The following AFM variants were observed in gnomAD, a reference collection of about 807,000 sequenced individuals.
AFM encodes the protein alpha-Alb.
Under a neutral mutation model 68.7 loss-of-function variants are expected in AFM, and 82 were observed. The observed-to-expected ratio is 1.19, with a 90% CI of 1.00 to 1.43. AFM has a LOEUF of 1.43. AFM is among the 40% of genes most tolerant of loss of function. AFM has a pLI of 0.00. For synonymous variants in AFM, 250 were observed against 234.2 expected, an observed-to-expected ratio of 1.07 and a Z score of -0.61; for missense variants, 772 against 701.8, an observed-to-expected ratio of 1.10 and a Z score of -1.13.
At chr4:73,497,994 G>C (rs1721304721) in intron 10 of AFM, among the ~76,000 whole-genome samples, 1 of 152,166 alleles carries the variant, frequency 6.6e-6, no homozygotes, top group Non-Finnish European at 1.5e-5. Flanking sequence ...TTTGGTTTCT[G>C]TTTGACATTG....
rs771104844 is a variant in AFM, at chr4:73,503,095, G to A, written c.*25G>A. ...AAGCCAGCTGCTGGAGATATGTAAAGAAAAAAGCACCAAAGGTAATACCCT... is the reference window on the plus strand; with the variant it reads ...AAGCCAGCTGCTGGAGATATGTAAAAAAAAAAGCACCAAAGGTAATACCCT... On this transcript the variant is annotated 3_prime_UTR_variant, in exon 14 of 15. Coordinates refer to ENST00000226355, the MANE Select transcript of AFM (RefSeq NM_001133.2). 6.2e-7 allele frequency: 1 copy of A among 1,611,750 alleles called. No homozygotes were observed. The highest frequency in any genetic ancestry group is 8.5e-7 in the Non-Finnish European group (1 of 1,178,286).
intron 8 of AFM, among the ~76,000 whole-genome samples, chr4:73,494,961 T>C (rs1374304227): frequency 6.6e-6 from 1 of 152,240 alleles, no homozygotes; most frequent in East Asian, 1.9e-4. Context: ...TCTTCAAACA[T>C]AATTATAAGC....
chr4:73,483,044 C>G (rs1295295265), intron 1 of AFM, among the ~76,000 whole-genome samples: 2 of 152,162 alleles, frequency 1.3e-5, no homozygotes, highest in East Asian at 3.9e-4. Flanking sequence ...GACCCACTTT[C>G]TCATCAAAAT....
At chr4:73,501,961 TG>T in intron 13 of AFM, 42 bp downstream of exon 13, 3 of 1,600,758 alleles carry the variant, frequency 1.9e-6, no homozygotes, top group Non-Finnish European at 2.6e-6. Flanking sequence ...CTGGTTTTCC[TG>T]GTCAAATAAA....
Position 73,499,992 on chromosome 4 carries a change from T to C in AFM, c.1423-12T>C, listed in dbSNP as rs747336556. ...TAAGATCGTATCTCAGTTGCAACTC[T>C]TGTTGGTACAGGCAGATTTAGTTTT... is the stretch of plus-strand genomic sequence containing the variant. On this transcript the variant is annotated splice_polypyrimidine_tract_variant and intron_variant, in intron 11 of 14. Coordinates refer to ENST00000226355, the MANE Select transcript of AFM (RefSeq NM_001133.2). 6.2e-7 allele frequency: 1 copy of C among 1,610,540 alleles called. No homozygotes were observed. The highest frequency in any genetic ancestry group is 1.7e-5 in the Admixed American group (1 of 59,876).
Position 73,484,369 on chromosome 4 carries a change from C to T in AFM, c.249C>T (p.Leu83=). 1 of 1,596,978 alleles carries T rather than the reference C, an allele frequency of 6.3e-7. No individual in the cohort carries two copies. The highest frequency in any genetic ancestry group is 8.5e-7 in the Non-Finnish European group (1 of 1,173,972). Residue 83 remains leucine (L), a synonymous_variant, in exon 3 of 15, where the codon CTC becomes CTT. Coordinates refer to ENST00000226355, the MANE Select transcript of AFM (RefSeq NM_001133.2). ...YKDRCMADKT[L]PECSKLPNNV... is the part of the protein sequence containing the mutation. ...ACAGATGTATGGCTGACAAGACGCT[C>T]CCAGAGTGTTCAAAATTACCTGTAA... is the stretch of plus-strand genomic sequence containing the variant.
intron 1 of AFM, 64 bp from the exon 2 acceptor site, chr4:73,483,877 T>G: frequency 1.5e-6 from 2 of 1,339,718 alleles, no homozygotes; most frequent in Non-Finnish European, 2.1e-6. Context: ...CCATGTATAG[T>G]TATTTATTTG....
intron 11 of AFM, among the ~76,000 whole-genome samples, 195 bp downstream of exon 11, chr4:73,499,441 T>G (rs1304621467): frequency 2.0e-5 from 3 of 152,208 alleles, no homozygotes; most frequent in Non-Finnish European, 4.4e-5. Flanking sequence ...TCTTCAATAT[T>G]TTTGGAGAGT....
chr4:73,496,467 G>C (rs372789728), intron 9 of AFM, among the ~76,000 whole-genome samples: 1 of 151,876 alleles, frequency 6.6e-6, no homozygotes, highest in Non-Finnish European at 1.5e-5. Context: ...GAAAATTATT[G>C]GATCAAAATA....
At chr4:73,484,821 G>A (rs1055132543) in intron 3 of AFM, among the ~76,000 whole-genome samples, 4 of 152,092 alleles carry the variant, frequency 2.6e-5, no homozygotes, top group Admixed American at 2.6e-4. Flanking sequence ...GCAGGCGTGA[G>A]CCACTGTGCC....
At chr4:73,486,906 A>C in intron 4 of AFM, 61 bp from the exon 5 acceptor site, 3 of 1,518,998 alleles carry the variant, frequency 2.0e-6, no homozygotes, top group Non-Finnish European at 1.8e-6. Flanking sequence ...CCTTGTCTAC[A>C]TTCATTGCTT....
rs548454539 is a variant in AFM, at chr4:73,482,693, A to C, written c.88+830A>C. 5.3e-4 allele frequency among the ~76,000 whole-genome samples: 81 copies of C among 152,152 alleles called. 1 individual carries two copies. Among genetic ancestry groups the C allele is most frequent in the Middle Eastern group, 3.4e-3 (1 of 294 alleles). ...TTTTCATTTCCATTACTCCTACCAA[A>C]ATTTAGATCTTGCTGATTTCTCAGT... On this transcript the variant is annotated intron_variant, in intron 1 of 14. Coordinates refer to ENST00000226355, the MANE Select transcript of AFM (RefSeq NM_001133.2).
chr4:73,488,534 A>G (rs927742313), intron 6 of AFM, 96 bp from the exon 7 acceptor site: 1 of 1,094,566 alleles, frequency 9.1e-7, no homozygotes, highest in Admixed American at 2.6e-5. Flanking sequence ...TGGTGGCAAT[A>G]CTTTTTGTAG....
chr4:73,496,707 G>T (rs1721268588), intron 9 of AFM, among the ~76,000 whole-genome samples: 1 of 151,958 alleles, frequency 6.6e-6, no homozygotes. Flanking sequence ...TATGATTTTA[G>T]CTATTTACAC....
chr4:73,503,743 A>G (rs1577983220), intron 14 of AFM, 133 bp from the exon 15 acceptor site: 1 of 152,228 alleles, frequency 6.6e-6, no homozygotes, highest in South Asian at 2.1e-4. Flanking sequence ...ACCTCAACAG[A>G]AGGTAGGTTG....
rs1721390234 is a variant in AFM at position 73,500,191 on chromosome 4, A to C, written c.1610A>C (p.Gln537Pro). 1.9e-6 allele frequency: 3 copies of C among 1,613,654 alleles called. No individual in the cohort carries two copies. The East Asian group carries it at 6.7e-5, about 36-fold the overall frequency. ...DLFTFHADMCQSQNEELQRKT... is the reference protein window; with the variant it reads ...DLFTFHADMCPSQNEELQRKT... ...TTTACCTTTCACGCAGACATGTGTC[A>C]ATCTCAGAATGAGGAGCTTCAGAGG... The change falls in exon 12 of 15, where the codon CAA becomes CCA. Residue 537 changes from glutamine (Q) to proline (P), a missense_variant. Physicochemically the swap from Gln to Pro is moderately conservative, Grantham distance 76 (BLOSUM62 -1). Coordinates refer to ENST00000226355, the MANE Select transcript of AFM (RefSeq NM_001133.2).
chr4:73,499,099 C>T lies in AFM; in HGVS notation c.1290-15C>T, dbSNP rs767019722. On this transcript the variant is annotated splice_polypyrimidine_tract_variant and intron_variant, in intron 10 of 14. Coordinates refer to ENST00000226355, the MANE Select transcript of AFM (RefSeq NM_001133.2). ...CTGCTTTCATTCAGAACCAAACAGA[C>T]AAATGTTCTTTCAGTTACCTCATCA... The T allele has an allele frequency of 1.2e-5, 20 of 1,607,318 alleles. No individual in the cohort carries two copies. Among genetic ancestry groups the T allele is most frequent in the Non-Finnish European group, 1.6e-5 (19 of 1,176,170 alleles).
chr4:73,488,843 T>A, intron 7 of AFM, 84 bp downstream of exon 7: 1 of 1,308,876 alleles, frequency 7.6e-7, no homozygotes, highest in Non-Finnish European at 1.1e-6. Flanking sequence ...GATATGTGGT[T>A]ACTTTGCCAC....
At position 73,495,174 on chromosome 4, in the gene AFM, A is replaced by C. The variant is rs894897080; in HGVS notation, c.1059-126A>C. On this transcript the variant is annotated intron_variant, in intron 8 of 14. Transcript: ENST00000226355. ...GTCCTCTTAAATTACTCTGTGACCA[A>C]GACAGAGGAGAAAATTAGCTTTTGA... The C allele has an allele frequency of 1.4e-5, 12 of 861,972 alleles. No homozygotes were observed. In the African/African-American group the frequency reaches 1.6e-4, roughly 11 times the overall value. The allele number at this position is 861,972 out of a possible 1,614,324, so 53.4% of individuals were successfully genotyped here.
Sources: gnomAD v4.1 joint callset for allele counts (sites outside exome capture counted in the v4.1 genomes callset) on GRCh38, gnomAD v4.1.1 for gene constraint, MANE v1.5 for transcripts, NCBI Gene and HGNC (gene_info 2026-07-23, HGNC 2026-07-21) for gene names.